Variants in ITFG1 observed in about 807,000 individuals in gnomAD.
The protein encoded by ITFG1 is integrin alpha FG-GAP repeat containing 1, also known as T-cell immunomodulatory protein.
Under a neutral mutation model 81.8 loss-of-function variants are expected in ITFG1, and 34 were observed. The observed-to-expected ratio is 0.42, with a 90% CI of 0.32 to 0.55. ITFG1 has a LOEUF of 0.55. Ranked by LOEUF, ITFG1 falls within the 20% of genes least tolerant of loss-of-function variation. The pLI is 0.17. For synonymous variants in ITFG1, 285 were observed against 270.6 expected, an observed-to-expected ratio of 1.05 and a Z score of -0.52; for missense variants, 672 against 755.4, an observed-to-expected ratio of 0.89 and a Z score of 1.29.
intron 8 of ITFG1, chr16:47,317,512 C>T (rs1375180811): frequency 1.3e-5 from 2 of 152,194 alleles, no homozygotes; most frequent in African/African-American, 4.8e-5. Context: ...CCCAGATTAC[C>T]TTTCCAACTT....
chr16:47,434,859 G>A (rs1969144916), intron 5 of ITFG1, among the ~76,000 whole-genome samples: 1 of 152,286 alleles, frequency 6.6e-6, no homozygotes, highest in African/African-American at 2.4e-5. Context: ...AAAAGAATGA[G>A]ATCATGTCCT....
At chr16:47,302,946 A>G (rs185282455) in intron 10 of ITFG1, among the ~76,000 whole-genome samples, 117 of 152,286 alleles carry the variant, frequency 7.7e-4, no homozygotes, top group African/African-American at 2.6e-3. Flanking sequence ...CGGGGTCTTG[A>G]TATTTAGATT....
chr16:47,292,158 C>T (rs1051146725), intron 10 of ITFG1, among the ~76,000 whole-genome samples: 16 of 151,982 alleles, frequency 1.1e-4, no homozygotes, highest in Middle Eastern at 3.2e-3. Flanking sequence ...GGATTACAGG[C>T]GCCCGCCACC....
At chr16:47,368,898 AG>A (rs1185008415) in intron 7 of ITFG1, among the ~76,000 whole-genome samples, 1 of 152,168 alleles carries the variant, frequency 6.6e-6, no homozygotes, top group African/African-American at 2.4e-5. Context: ...CTGGAGGAAA[AG>A]AATACGTTCT....
At chr16:47,188,954 AG>A (rs1965260071) in intron 14 of ITFG1, among the ~76,000 whole-genome samples, 1 of 152,038 alleles carries the variant, frequency 6.6e-6, no homozygotes, top group Non-Finnish European at 1.5e-5. Context: ...TAGTAGAGGC[AG>A]GGTTTTGCCA....
intron 6 of ITFG1, among the ~76,000 whole-genome samples, chr16:47,387,585 C>T (rs934636030): frequency 2.6e-5 from 4 of 152,134 alleles, no homozygotes; most frequent in Admixed American, 2.6e-4. Context: ...ACACAAATAA[C>T]CTTCCAAGGC....
chr16:47,456,247 T>G (rs1596996403), intron 2 of ITFG1, among the ~76,000 whole-genome samples: 1 of 152,108 alleles, frequency 6.6e-6, no homozygotes, highest in Admixed American at 6.5e-5. Context: ...CACATCATCA[T>G]GAAATCAGAA....
In ITFG1 at chr16:47,164,581, G is replaced by A. The variant is rs144780240; in HGVS notation, c.1454-1917C>T. Among the ~76,000 whole-genome samples, 13 of 152,348 alleles carry A rather than the reference G, an allele frequency of 8.5e-5. No homozygotes were observed. The East Asian group carries it at 9.6e-4, about 11-fold the overall frequency. ...ATATGTTGTAGCTTTTCAAAGCTGC[G>A]TATGTTTTCCAGTTTTCTAAGAATT... On this transcript the variant is annotated intron_variant, in intron 14 of 17. Coordinates refer to ENST00000320640, the MANE Select transcript of ITFG1 (RefSeq NM_030790.5).
intron 10 of ITFG1, among the ~76,000 whole-genome samples, chr16:47,280,959 T>C (rs1259806646): frequency 1.3e-5 from 2 of 152,190 alleles, no homozygotes; most frequent in South Asian, 4.1e-4. Flanking sequence ...CTTACCCTAA[T>C]GTACCTCTTC....
Position 47,460,902 on chromosome 16 carries a change from G to GC in ITFG1, c.143dup (p.Thr49HisfsTer24), listed in dbSNP as rs750416570. 6.2e-7 allele frequency: 1 copy of GC among 1,613,396 alleles called. No homozygotes were observed. Among genetic ancestry groups the GC allele is most frequent in the Non-Finnish European group, 8.5e-7 (1 of 1,179,990 alleles). ...TGAGGTCCCCGAAAGCCGCAAGGGT[G>GC]CCCCAGGCCTCGGCCCCAAAGAGCT... On this transcript the variant is annotated frameshift_variant, in exon 1 of 18. Transcript: ENST00000320640. LOFTEE classifies it high-confidence loss of function.
intron 5 of ITFG1, among the ~76,000 whole-genome samples, chr16:47,442,136 C>T (rs533926321): frequency 1.6e-4 from 24 of 152,238 alleles, no homozygotes; most frequent in African/African-American, 5.3e-4. Flanking sequence ...ATGTGAAGGA[C>T]CTCTTCAAGG....
At chr16:47,256,814 G>A (rs1329713218) in intron 12 of ITFG1, among the ~76,000 whole-genome samples, 1 of 152,068 alleles carries the variant, frequency 6.6e-6, no homozygotes, top group Non-Finnish European at 1.5e-5. Context: ...TGCTTTTCTG[G>A]GTTCAGCTAT....
intron 16 of ITFG1, among the ~76,000 whole-genome samples, chr16:47,161,280 G>A (rs2151506260): frequency 6.6e-6 from 1 of 152,314 alleles, no homozygotes; most frequent in South Asian, 2.1e-4. Context: ...AGTGAGTCTT[G>A]GAGAGGACAA....
intron 5 of ITFG1, among the ~76,000 whole-genome samples, chr16:47,440,023 A>C (rs1969224966): frequency 6.6e-6 from 1 of 152,212 alleles, no homozygotes; most frequent in African/African-American, 2.4e-5. Flanking sequence ...AAAAAAAGGC[A>C]GGGGTTGCAA....
At chr16:47,394,541 T>C (rs1296547683) in intron 6 of ITFG1, among the ~76,000 whole-genome samples, 1 of 152,122 alleles carries the variant, frequency 6.6e-6, no homozygotes, top group Non-Finnish European at 1.5e-5. Context: ...AAAAGTACTG[T>C]GTCATGTGGA....
chr16:47,225,344 GAA>G (rs1965745019), intron 13 of ITFG1, among the ~76,000 whole-genome samples: 1 of 152,016 alleles, frequency 6.6e-6, no homozygotes, highest in Non-Finnish European at 1.5e-5. Context: ...CAGAAGAGAG[GAA>G]AGAGGTAGAA....
intron 13 of ITFG1, among the ~76,000 whole-genome samples, chr16:47,230,678 G>A (rs1965806897): frequency 6.6e-6 from 1 of 152,222 alleles, no homozygotes; most frequent in Non-Finnish European, 1.5e-5. Flanking sequence ...TTTCAGTCAA[G>A]AGGAAAAGCA....
chr16:47,333,420 C>A (rs1967662157), intron 8 of ITFG1, among the ~76,000 whole-genome samples: 1 of 152,076 alleles, frequency 6.6e-6, no homozygotes, highest in African/African-American at 2.4e-5. Context: ...AGAGACCTAG[C>A]AAGCAGCTGA....
chr16:47,452,181 T>TA (rs1174122148), intron 4 of ITFG1, among the ~76,000 whole-genome samples: 4 of 152,194 alleles, frequency 2.6e-5, no homozygotes, highest in African/African-American at 9.7e-5. Context: ...AGAAAGACAG[T>TA]ACTGGAAACA....
Sources: allele counts gnomAD v4.1 joint callset (sites outside exome capture counted in the v4.1 genomes callset), GRCh38; gene constraint gnomAD v4.1.1; transcripts MANE v1.5; gene names NCBI Gene and HGNC (gene_info 2026-07-23, HGNC 2026-07-21).